The following ZFAT variants were observed in gnomAD, a reference collection of about 807,000 sequenced individuals.
ZFAT encodes zinc finger and AT-hook domain containing, also known as zinc finger protein ZFAT.
ZFAT carries 64 observed loss-of-function variants against 117.7 expected under a neutral mutation model. That is an observed-to-expected ratio of 0.54 (90% confidence interval 0.44 to 0.67). The LOEUF (loss-of-function observed/expected upper bound fraction) is 0.67, where lower values mean the gene tolerates loss of function less well. ZFAT is among the 30% of genes least tolerant of loss of function. The pLI is 0.00. For missense variants in ZFAT, 1,433 were observed against 1,584.5 expected, an observed-to-expected ratio of 0.90 and a Z score of 1.62; for synonymous variants, 679 against 615.0, an observed-to-expected ratio of 1.10 and a Z score of -1.54.
At chr8:134,760,055 C>T in the ZFAT span, among the ~76,000 whole-genome samples, 43,797 of 147,564 alleles carry the variant, frequency 0.3, 6,785 homozygotes, top group South Asian at 0.34. Context: ...CCAAGGCGGG[C>T]GGATCACAAG....
chr8:134,560,830 G>A (rs1823994719), intron 11 of ZFAT, among the ~76,000 whole-genome samples: 1 of 152,190 alleles, frequency 6.6e-6, no homozygotes, highest in Non-Finnish European at 1.5e-5. Flanking sequence ...TAGATGGAAG[G>A]ATTTGGAAGA....
intron 2 of ZFAT, among the ~76,000 whole-genome samples, chr8:134,647,978 A>G (rs539330560): frequency 9.1e-4 from 138 of 152,262 alleles, no homozygotes; most frequent in Admixed American, 2.1e-3. Flanking sequence ...CATGATGACT[A>G]TAACTAACAA....
chr8:134,632,178 TGAG>T (rs1466899854), intron 3 of ZFAT, among the ~76,000 whole-genome samples: 7 of 152,132 alleles, frequency 4.6e-5, no homozygotes, highest in African/African-American at 1.7e-4. Context: ...CTACTCAACA[TGAG>T]GAGAATGAAG....
At chr8:134,638,818 T>C (rs1403437085) in intron 2 of ZFAT, among the ~76,000 whole-genome samples, 3 of 151,572 alleles carry the variant, frequency 2.0e-5, no homozygotes, top group Admixed American at 6.6e-5. Flanking sequence ...TCTTCAACGA[T>C]GAGACTTAGG....
intron 7 of ZFAT, among the ~76,000 whole-genome samples, chr8:134,591,151 T>C (rs1043957357): frequency 6.6e-6 from 1 of 152,186 alleles, no homozygotes; most frequent in African/African-American, 2.4e-5. Context: ...AGGGATTGCA[T>C]GGCAAGTGAT....
chr8:134,720,091 A>C, the ZFAT span, among the ~76,000 whole-genome samples: 1 of 152,204 alleles, frequency 6.6e-6, no homozygotes, highest in Non-Finnish European at 1.5e-5. Flanking sequence ...AAGGAAGCTC[A>C]AGCTAAACTA....
the ZFAT span, chr8:134,792,794 T>G: frequency 5.3e-5 from 8 of 152,280 alleles, no homozygotes; most frequent in South Asian, 1.7e-3. Flanking sequence ...AAACCCAAGG[T>G]TTTTGATTCT....
intron 1 of ZFAT, among the ~76,000 whole-genome samples, chr8:134,658,756 G>A (rs1441497956): frequency 6.6e-6 from 1 of 152,218 alleles, no homozygotes; most frequent in East Asian, 1.9e-4. Flanking sequence ...CTGAAAGGAA[G>A]TGGCTTTGTC....
intron 2 of ZFAT, chr8:134,639,998 T>C: frequency 2.8e-6 from 1 of 351,742 alleles, no homozygotes; most frequent in South Asian, 2.2e-5. Context: ...GGCCCCCGGA[T>C]GTCCCTCCTG....
intron 1 of ZFAT, among the ~76,000 whole-genome samples, chr8:134,661,596 G>A (rs1831935701): frequency 6.6e-6 from 1 of 152,216 alleles, no homozygotes. Flanking sequence ...GAATGAGGGA[G>A]GGAGAAGGAA....
chr8:134,567,544 A>G (rs1303920578), intron 10 of ZFAT, among the ~76,000 whole-genome samples: 2 of 152,060 alleles, frequency 1.3e-5, no homozygotes, highest in Non-Finnish European at 2.9e-5. Context: ...CTGATGCCTC[A>G]TCTTCTATCC....
At chr8:134,654,574 C>T (rs1011273785) in intron 2 of ZFAT, among the ~76,000 whole-genome samples, 1 of 152,192 alleles carries the variant, frequency 6.6e-6, no homozygotes, top group Non-Finnish European at 1.5e-5. Flanking sequence ...GCCAAGGGCA[C>T]TCCACAGAAG....
At chr8:134,582,459 TA>T (rs1825778591) in intron 10 of ZFAT, among the ~76,000 whole-genome samples, 1 of 152,254 alleles carries the variant, frequency 6.6e-6, no homozygotes, top group South Asian at 2.1e-4. Flanking sequence ...AATTCTTGCC[TA>T]AACGTTCAGG....
the ZFAT span, among the ~76,000 whole-genome samples, chr8:134,771,777 T>C: frequency 6.6e-6 from 1 of 152,216 alleles, no homozygotes; most frequent in Non-Finnish European, 1.5e-5. Context: ...TTTAACACTG[T>C]TGATAAAGAC....
chr8:134,590,829 AC>A (rs990443899), intron 7 of ZFAT, among the ~76,000 whole-genome samples: 2 of 151,732 alleles, frequency 1.3e-5, no homozygotes, highest in African/African-American at 4.8e-5. Context: ...CATCACCACG[AC>A]CCCCCTCACC....
chr8:134,686,549 GA>G (rs141237151), intron 1 of ZFAT, among the ~76,000 whole-genome samples: 2,851 of 151,722 alleles, frequency 0.019, 79 homozygotes, highest in African/African-American at 0.061. Context: ...AAGATATAGG[GA>G]AAAAAAACGA....
At chr8:134,584,684 T>G (rs1272158063) in intron 9 of ZFAT, among the ~76,000 whole-genome samples, 2 of 151,828 alleles carry the variant, frequency 1.3e-5, no homozygotes. Context: ...GGAAATTTCA[T>G]AGAGAAGAGT....
At chr8:134,696,344 A>G in intron 1 of ZFAT, 1 of 979,312 alleles carries the variant, frequency 1.0e-6, no homozygotes, top group Non-Finnish European at 1.2e-6. Flanking sequence ...ATAGGCGACC[A>G]GGAGTGGAGA....
the ZFAT span, among the ~76,000 whole-genome samples, chr8:134,772,143 C>G: frequency 5.3e-5 from 8 of 152,228 alleles, 1 homozygote; most frequent in Middle Eastern, 0.024. Context: ...TGAAATTAAG[C>G]CAATTAATAA....
Sources: gnomAD v4.1 joint callset for allele counts (sites outside exome capture counted in the v4.1 genomes callset) on GRCh38, gnomAD v4.1.1 for gene constraint, MANE v1.5 for transcripts, NCBI Gene and HGNC (gene_info 2026-07-23, HGNC 2026-07-21) for gene names.